ADGRG6: variants seen among roughly 807,000 people sequenced by gnomAD.
ADGRG6 encodes the protein G-protein coupled receptor 126.
In ADGRG6, 84 loss-of-function variants were observed where a neutral mutation model predicts 142.4. The ratio of observed to expected loss-of-function variants is 0.59; its 90% confidence interval spans 0.49 to 0.71. ADGRG6 has a LOEUF of 0.71. Among genes scored for constraint, ADGRG6 ranks in the 30% least tolerant of loss-of-function variants. The pLI is 0.00. For synonymous variants in ADGRG6, 521 were observed against 520.5 expected (o/e 1.00, Z -0.01); for missense variants, 1,367 against 1,466.6 (o/e 0.93, Z 1.11).
intron 2 of ADGRG6, among the ~76,000 whole-genome samples, chr6:142,323,313 G>A (rs879324406): frequency 2.0e-5 from 3 of 151,972 alleles, no homozygotes; most frequent in Non-Finnish European, 4.4e-5. Context: ...ATATAATTGA[G>A]TAAATCCAAA....
intron 2 of ADGRG6, among the ~76,000 whole-genome samples, chr6:142,350,960 G>T (rs1005023665): frequency 6.6e-6 from 1 of 152,164 alleles, no homozygotes; most frequent in Admixed American, 6.5e-5. Flanking sequence ...AGTAGGCTGG[G>T]CACGGTGGCT....
chr6:142,440,381 C>T (rs1207377681), intron 24 of ADGRG6, among the ~76,000 whole-genome samples: 2 of 152,118 alleles, frequency 1.3e-5, no homozygotes, highest in Non-Finnish European at 2.9e-5. Context: ...ACTGCAGCCT[C>T]TACCTCCTGG....
Position 142,411,365 on chromosome 6 carries a change from AGACAGTC to A in ADGRG6, c.2496_2502del (p.Glu832AspfsTer13). On this transcript the variant is annotated frameshift_variant, in exon 18 of 25. Coordinates refer to ENST00000367609, the MANE Select transcript of ADGRG6 (RefSeq NM_198569.3). LOFTEE classifies it high-confidence loss of function. ...GCACACAGAGATTCAGATGCAAGTG[AGACAGTC>A]TGCCTGTGTAACCACTTCACACACT... The A allele has an allele frequency of 6.2e-7, 1 of 1,608,640 alleles. No individual in the cohort carries two copies. Among genetic ancestry groups the A allele is most frequent in the Non-Finnish European group, 8.5e-7 (1 of 1,175,174 alleles).
chr6:142,405,096 A>G lies in ADGRG6; in HGVS notation c.2128-592A>G, dbSNP rs865944411. On this transcript the variant is annotated intron_variant, in intron 14 of 24. Coordinates refer to ENST00000367609, the MANE Select transcript of ADGRG6 (RefSeq NM_198569.3). The stretch of plus-strand genomic sequence containing the variant: ...AAAAGCCTGAAATCAGGATACAGGC[A>G]AGACCTTTTTTCTCCATTAGACTAG... Among the ~76,000 whole-genome samples, 22 of 152,350 alleles carry G rather than the reference A, an allele frequency of 1.4e-4. No individual in the cohort carries two copies. The South Asian group carries it at 2.1e-3, about 14-fold the overall frequency.
intron 9 of ADGRG6, 96 bp downstream of exon 9, chr6:142,394,054 A>G: frequency 1.2e-6 from 1 of 806,258 alleles, no homozygotes; most frequent in Non-Finnish European, 2.1e-6. Context: ...AGGAAAGAAA[A>G]ACTTAATCAC....
At chr6:142,328,618 CA>C (rs1778896870) in intron 2 of ADGRG6, among the ~76,000 whole-genome samples, 1 of 152,066 alleles carries the variant, frequency 6.6e-6, no homozygotes, top group African/African-American at 2.4e-5. Context: ...TATTATGTTT[CA>C]ATTATAAGTA....
intron 22 of ADGRG6, among the ~76,000 whole-genome samples, chr6:142,423,524 T>C (rs1324256471): frequency 6.6e-6 from 1 of 150,500 alleles, no homozygotes; most frequent in Non-Finnish European, 1.5e-5. Context: ...GTTCCATTGA[T>C]CTAGATCTCT....
chr6:142,383,395 ACTTTTT>A (rs1194509146), intron 5 of ADGRG6, among the ~76,000 whole-genome samples: 1 of 152,130 alleles, frequency 6.6e-6, no homozygotes. Flanking sequence ...GCTTTCTATA[ACTTTTT>A]CTTTTGACAG....
intron 6 of ADGRG6, among the ~76,000 whole-genome samples, chr6:142,389,360 A>G (rs1482010686): frequency 6.6e-6 from 1 of 151,946 alleles, no homozygotes; most frequent in Non-Finnish European, 1.5e-5. Context: ...ACTTACCTAA[A>G]CATAAGCATG....
chr6:142,393,076 C>A, intron 8 of ADGRG6, 76 bp downstream of exon 8: 1 of 769,624 alleles, frequency 1.3e-6, no homozygotes, highest in Non-Finnish European at 2.3e-6. Context: ...TCTGATTGTA[C>A]CAAAATATAC....
chr6:142,414,703 G>T (rs986106257), intron 18 of ADGRG6, among the ~76,000 whole-genome samples: 4 of 152,158 alleles, frequency 2.6e-5, no homozygotes, highest in African/African-American at 9.7e-5. Flanking sequence ...TGATCTTCAG[G>T]TTATACCGGT....
At chr6:142,366,017 T>A (rs986869237) in intron 2 of ADGRG6, among the ~76,000 whole-genome samples, 1 of 152,246 alleles carries the variant, frequency 6.6e-6, no homozygotes, top group African/African-American at 2.4e-5. Flanking sequence ...TGGCAATTTA[T>A]CCAGTATTTT....
At chr6:142,439,212 A>G (rs562485633) in intron 24 of ADGRG6, among the ~76,000 whole-genome samples, 1 of 152,336 alleles carries the variant, frequency 6.6e-6, no homozygotes, top group Non-Finnish European at 1.5e-5. Context: ...TAACTTTTTC[A>G]TGTTTTCAAA....
intron 2 of ADGRG6, among the ~76,000 whole-genome samples, chr6:142,323,953 T>C (rs978938723): frequency 6.6e-6 from 1 of 152,116 alleles, no homozygotes; most frequent in Non-Finnish European, 1.5e-5. Context: ...TGGCTGATTA[T>C]GAGAGCTTCT....
chr6:142,380,096 A>G (rs1781693757), intron 4 of ADGRG6, among the ~76,000 whole-genome samples: 2 of 152,158 alleles, frequency 1.3e-5, no homozygotes, highest in Non-Finnish European at 2.9e-5. Flanking sequence ...TGAAAGAGTT[A>G]TTATCAGTAG....
intron 22 of ADGRG6, among the ~76,000 whole-genome samples, chr6:142,433,349 C>T (rs1351488472): frequency 2.6e-5 from 4 of 152,192 alleles, no homozygotes; most frequent in African/African-American, 7.2e-5. Context: ...TATTTATACA[C>T]TTTTGCTTAT....
chr6:142,410,031 A>T (rs1327556799), intron 17 of ADGRG6, 112 bp downstream of exon 17: 3 of 457,380 alleles, frequency 6.6e-6, no homozygotes, highest in Non-Finnish European at 1.2e-5. Flanking sequence ...GTCACAATGT[A>T]AGTGTAAATG....
rs182855174 is a variant in ADGRG6 at position 142,343,635 on chromosome 6, T to C, written c.104-23934T>C. On this transcript the variant is annotated intron_variant, in intron 2 of 24. Transcript: ENST00000367609. ...CATATTTTAACATTAGAACAATATA[T>C]AGGTAATAGTAATAATTACCATTGC... Among the ~76,000 whole-genome samples the C allele has an allele frequency of 1.2e-4, 18 of 152,006 alleles. No homozygotes were observed. The East Asian group carries it at 3.3e-3, about 28-fold the overall frequency.
rs567380388 is a variant in ADGRG6 at position 142,383,897 on chromosome 6, T to C, written c.1222+54T>C. 2.9e-5 allele frequency: 26 copies of C among 886,114 alleles called. No homozygotes were observed. The African/African-American group carries it at 3.8e-4, about 13-fold the overall frequency. The allele number at this position is 886,114 out of a possible 1,614,324, so 54.9% of individuals were successfully genotyped here. ...AGTATGTCTAACATAAAAAATTGTA[T>C]TCTAAGGATGGAAATATGTATTATT... On this transcript the variant is annotated intron_variant, in intron 6 of 24. Transcript: ENST00000367609.
Sources: allele counts gnomAD v4.1 joint callset (sites outside exome capture counted in the v4.1 genomes callset), GRCh38; gene constraint gnomAD v4.1.1; transcripts MANE v1.5; gene names NCBI Gene and HGNC (gene_info 2026-07-23, HGNC 2026-07-21).